DACH1: variants seen among roughly 807,000 people sequenced by gnomAD.
DACH1 encodes dachshund family transcription factor 1, also known as dachshund homolog 1.
Under a neutral mutation model 54.2 loss-of-function variants are expected in DACH1, and 12 were observed. The observed-to-expected ratio is 0.22, with a 90% CI of 0.14 to 0.36. The LOEUF (loss-of-function observed/expected upper bound fraction) is 0.36, where lower values mean the gene tolerates loss of function less well. Ranked by LOEUF, DACH1 falls within the 10% of genes least tolerant of loss-of-function variation. The pLI is 1.00. For missense variants in DACH1, 805 were observed against 929.8 expected (o/e 0.87, Z 1.75); for synonymous variants, 386 against 366.2 (o/e 1.05, Z -0.62).
Position 71,489,053 on chromosome 13 carries a change from G to C in DACH1, c.1666C>G (p.Pro556Ala). ...GACAGTCCATCAGGAAACAGAAAAGGAGATGGAAAACCTGGAGGCAGTGGT... is the reference window on the plus strand; with the variant it reads ...GACAGTCCATCAGGAAACAGAAAAGCAGATGGAAAACCTGGAGGCAGTGGT... ...GQPLPPGFPS[P>A]FLFPDGLSSI... Residue 556 changes from proline to alanine, a missense_variant, in exon 7 of 11, where the codon CCT becomes GCT. Pro to Ala is a conservative substitution (Grantham distance 27). Transcript: ENST00000613252. 1 of 1,613,856 alleles carries C rather than the reference G, an allele frequency of 6.2e-7. No homozygotes were observed. Among genetic ancestry groups the C allele is most frequent in the Non-Finnish European group, 8.5e-7 (1 of 1,179,864 alleles).
At chr13:71,736,047 G>A (rs143325282) in intron 1 of DACH1, among the ~76,000 whole-genome samples, 1 of 152,180 alleles carries the variant, frequency 6.6e-6, no homozygotes, top group East Asian at 1.9e-4. Context: ...AAAATATACT[G>A]AGCTGTGTAC....
chr13:71,539,937 A>C (rs1883027049), intron 6 of DACH1, among the ~76,000 whole-genome samples: 1 of 152,182 alleles, frequency 6.6e-6, no homozygotes, highest in East Asian at 1.9e-4. Context: ...CATTCAAAAT[A>C]AAGATGATTT....
intron 1 of DACH1, among the ~76,000 whole-genome samples, chr13:71,724,448 A>C (rs1349521057): frequency 6.6e-6 from 1 of 152,180 alleles, no homozygotes; most frequent in African/African-American, 2.4e-5. Flanking sequence ...ATGCCAATTT[A>C]AATCTTAAAT....
chr13:71,824,527 A>G lies in DACH1; in HGVS notation c.848+41395T>C, dbSNP rs144644390. On this transcript the variant is annotated intron_variant, in intron 1 of 10. Transcript: ENST00000613252. The stretch of plus-strand genomic sequence containing the variant: ...AGCACATGGCAGGGACTCAATGAGT[A>G]TGTTCAGAATGAATGAAAAATAAAT... 1.1e-3 allele frequency among the ~76,000 whole-genome samples: 168 copies of G among 151,822 alleles called. 1 individual carries two copies. In the Middle Eastern group the frequency reaches 0.017, roughly 15 times the overall value.
intron 6 of DACH1, among the ~76,000 whole-genome samples, chr13:71,505,965 A>G (rs1880280159): frequency 6.6e-6 from 1 of 152,150 alleles, no homozygotes; most frequent in South Asian, 2.1e-4. Flanking sequence ...TTGAATAAGC[A>G]AACAAAACAT....
At chr13:71,641,061 CA>C (rs1182756516) in intron 2 of DACH1, among the ~76,000 whole-genome samples, 5 of 145,314 alleles carry the variant, frequency 3.4e-5, no homozygotes, top group South Asian at 4.4e-4. Context: ...CAGAAAATGA[CA>C]AAAAAAAACA....
At chr13:71,864,180 TACAC>T (rs55651625) in intron 1 of DACH1, among the ~76,000 whole-genome samples, 1,574 of 108,452 alleles carry the variant, frequency 0.015, 15 homozygotes, top group Non-Finnish European at 0.022. Context: ...CGCGCGCACA[TACAC>T]ACACACACAC....
intron 1 of DACH1, among the ~76,000 whole-genome samples, chr13:71,698,571 C>A (rs1320999243): frequency 6.6e-6 from 1 of 151,964 alleles, no homozygotes; most frequent in Non-Finnish European, 1.5e-5. Context: ...ACCCTAAAGG[C>A]TCATATAATT....
At chr13:71,674,448 C>T (rs1317601972) in intron 2 of DACH1, among the ~76,000 whole-genome samples, 1 of 121,824 alleles carries the variant, frequency 8.2e-6, no homozygotes, top group African/African-American at 3.2e-5. Context: ...TTTACACACA[C>T]ACACACACAC....
At chr13:71,610,346 T>C (rs1875228311) in intron 3 of DACH1, among the ~76,000 whole-genome samples, 1 of 152,232 alleles carries the variant, frequency 6.6e-6, no homozygotes, top group South Asian at 2.1e-4. Context: ...ATACAGAATA[T>C]GAAAGTTACG....
chr13:71,688,617 A>T (rs1881309092), intron 1 of DACH1, among the ~76,000 whole-genome samples: 1 of 152,186 alleles, frequency 6.6e-6, no homozygotes, highest in Admixed American at 6.5e-5. Context: ...CTAATGCATC[A>T]AACAGATTAC....
chr13:71,866,151 C>G lies in DACH1; in HGVS notation c.619G>C (p.Glu207Gln). 1 of 1,613,100 alleles carries G rather than the reference C, an allele frequency of 6.2e-7. No individual in the cohort carries two copies. Among genetic ancestry groups the G allele is most frequent in the Non-Finnish European group, 8.5e-7 (1 of 1,179,570 alleles). Reference sequence around the variant, plus strand: ...AAAGCCTGGGGCAGGCAGATCAGCTCGCAGCCCTCCACCGTGAAGGAAGCC... The same window carrying G: ...AAAGCCTGGGGCAGGCAGATCAGCTGGCAGCCCTCCACCGTGAAGGAAGCC... ...KVASFTVEGC[E>Q]LICLPQAFDL... The change falls in exon 1 of 11, where the codon GAG (glutamate) becomes CAG (glutamine). Residue 207 changes from glutamate to glutamine, a missense_variant. By Grantham distance (29) the Glu-to-Gln change is conservative (BLOSUM62 2). Coordinates refer to ENST00000613252, the MANE Select transcript of DACH1 (RefSeq NM_080759.6).
intron 3 of DACH1, among the ~76,000 whole-genome samples, chr13:71,611,190 T>G (rs1875305314): frequency 6.6e-6 from 1 of 152,190 alleles, no homozygotes; most frequent in Non-Finnish European, 1.5e-5. Context: ...CACTGTCAAG[T>G]TCATGAGAGT....
intron 3 of DACH1, among the ~76,000 whole-genome samples, chr13:71,613,048 A>G (rs1364123682): frequency 6.6e-6 from 1 of 152,218 alleles, no homozygotes; most frequent in African/African-American, 2.4e-5. Flanking sequence ...TAAAGATGTT[A>G]TTATAGATTG....
At chr13:71,822,444 C>A (rs1487343944) in intron 1 of DACH1, among the ~76,000 whole-genome samples, 2 of 152,118 alleles carry the variant, frequency 1.3e-5, no homozygotes, top group Non-Finnish European at 2.9e-5. Context: ...TCCTTAGATG[C>A]ACTTGCTGCT....
At chr13:71,645,189 C>T (rs1033939840) in intron 2 of DACH1, among the ~76,000 whole-genome samples, 1 of 152,056 alleles carries the variant, frequency 6.6e-6, no homozygotes, top group African/African-American at 2.4e-5. Flanking sequence ...GAAGCATTGT[C>T]GGAAGAGCAA....
chr13:71,556,920 C>CA (rs1884288600), intron 6 of DACH1, 104 bp downstream of exon 6: 3 of 1,186,724 alleles, frequency 2.5e-6, no homozygotes, highest in Non-Finnish European at 3.4e-6. Context: ...CATTTATATG[C>CA]TTTTTTTTTA....
chr13:71,552,530 A>C (rs562907329), intron 6 of DACH1, among the ~76,000 whole-genome samples: 21 of 151,856 alleles, frequency 1.4e-4, no homozygotes, highest in African/African-American at 5.1e-4. Context: ...AAAAACCAAA[A>C]CAAATTATGC....
In DACH1 at chr13:71,504,684, CTTCCT is replaced by C. The variant is rs368878728; in HGVS notation, c.1571-15541_1571-15537del. On this transcript the variant is annotated intron_variant, in intron 6 of 10. Coordinates refer to ENST00000613252, the MANE Select transcript of DACH1 (RefSeq NM_080759.6). ...TCATGATCTTACAGAAATGGCAACTCTTCCTAATCATGGATGTATCATGAGAATAT... is the reference window on the plus strand; with the variant it reads ...TCATGATCTTACAGAAATGGCAACTCAATCATGGATGTATCATGAGAATAT... 2.1e-3 allele frequency among the ~76,000 whole-genome samples: 327 copies of C among 152,314 alleles called. 2 individuals carry two copies. Among genetic ancestry groups the C allele is most frequent in the South Asian group, 7.9e-3 (38 of 4,824 alleles).
Sources: gnomAD v4.1 joint callset for allele counts (sites outside exome capture counted in the v4.1 genomes callset) on GRCh38, gnomAD v4.1.1 for gene constraint, MANE v1.5 for transcripts, NCBI Gene and HGNC (gene_info 2026-07-23, HGNC 2026-07-21) for gene names.